EPS8L3: variants seen among roughly 807,000 people sequenced by gnomAD.
EPS8L3 encodes EPS8 signaling adaptor L3.
A neutral mutation model predicts 88.5 loss-of-function variants in EPS8L3; 80 were observed. The observed-to-expected ratio is 0.90, with a 90% CI of 0.75 to 1.09. EPS8L3 has a LOEUF of 1.09. EPS8L3 is among the 50% of genes least tolerant of loss of function. EPS8L3 has a pLI of 0.00. For missense variants in EPS8L3, 721 were observed against 735.2 expected (o/e 0.98, Z 0.22); for synonymous variants, 286 against 291.0 (o/e 0.98, Z 0.18).
At position 109,759,144 on chromosome 1, in the gene EPS8L3, AGTGTGTGTGTGTGTGTGT is replaced by A; in HGVS notation, c.406-45_406-28del. On this transcript the variant is annotated intron_variant, in intron 5 of 18. Coordinates refer to ENST00000361965, the MANE Select transcript of EPS8L3 (RefSeq NM_133181.4). The surrounding 1 kb of genome is among the most constrained non-coding windows in gnomAD (Gnocchi z 4.2). ...TGGGAAGCAGCAGTCAGGCAGGCTA[AGTGTGTGTGTGTGTGTGT>A]GTGTGTGTGTGTGTGTGTGTGGTGG... The A allele has an allele frequency of 4.7e-6, 7 of 1,491,452 alleles. No individual in the cohort carries two copies. Among genetic ancestry groups the A allele is most frequent in the Middle Eastern group, 2.0e-4 (1 of 5,082 alleles). 92.4% of individuals were successfully genotyped at this position (1,491,452 alleles called of 1,614,324 possible). A position where few individuals can be genotyped will look rare whatever the true frequency, so the allele number is the denominator to read the frequency against.
chr1:109,758,600 C>G lies in EPS8L3; in HGVS notation c.525G>C (p.Pro175=). The part of the protein sequence containing the change: ...DRWRGPAMER[P]LPMEQARYLE... ...GATAGCGTGCCTGCTCCATAGGGAGCGGCCTTTCCATAGCAGGCCCCCTCC... is the reference window on the plus strand; with the variant it reads ...GATAGCGTGCCTGCTCCATAGGGAGGGGCCTTTCCATAGCAGGCCCCCTCC... The change falls in exon 7 of 19, where the codon CCG becomes CCC. Residue 175 remains proline, a synonymous_variant. Coordinates refer to ENST00000361965, the MANE Select transcript of EPS8L3 (RefSeq NM_133181.4). 1 of 1,612,962 alleles carries G rather than the reference C, an allele frequency of 6.2e-7. No homozygotes were observed. Among genetic ancestry groups the G allele is most frequent in the Non-Finnish European group, 8.5e-7 (1 of 1,179,376 alleles).
intron 1 of EPS8L3, 91 bp from the exon 2 acceptor site, chr1:109,761,864 TG>T (rs1162417394): frequency 9.7e-6 from 11 of 1,135,108 alleles, no homozygotes; most frequent in African/African-American, 1.5e-5. Context: ...TTGCTCTGAC[TG>T]GGGGCCTCTG....
rs749435073 is a variant in EPS8L3 at position 109,751,759 on chromosome 1, C to T, written c.1458G>A (p.Trp486Ter). The T allele has an allele frequency of 1.7e-5, 28 of 1,613,654 alleles. No individual in the cohort carries two copies. Among genetic ancestry groups the T allele is most frequent in the Non-Finnish European group, 1.6e-5 (19 of 1,180,014 alleles). The change falls in exon 16 of 19, where the codon TGG becomes TGA. Residue 486 changes from tryptophan (W) to a stop codon, truncating the protein, a stop_gained. Coordinates refer to ENST00000361965, the MANE Select transcript of EPS8L3 (RefSeq NM_133181.4). LOFTEE classifies it high-confidence loss of function. ...KLEVLDHSKR[W>*]WLVKNEAGRS... is the part of the protein sequence containing the mutation. ...GTCCCGCCTCATTCTTCACCAGCCA[C>T]CACCGCTTGCTGTGGTCCAGAACCT...
In EPS8L3 at chr1:109,759,886, G is replaced by A. The variant is rs752974302; in HGVS notation, c.97-50C>T. ...GACTGGGAGAAAGCTCAGAGAGGTG[G>A]ACCACAGGCGTGCTGGGTAGAGAAA... On this transcript the variant is annotated intron_variant, in intron 3 of 18. Coordinates refer to ENST00000361965, the MANE Select transcript of EPS8L3 (RefSeq NM_133181.4). The surrounding 1 kb of genome is among the most constrained non-coding windows in gnomAD (Gnocchi z 4.2). 9 of 1,589,938 alleles carry A rather than the reference G, an allele frequency of 5.7e-6. No homozygotes were observed. The African/African-American group carries it at 1.2e-4, about 21-fold the overall frequency.
intron 14 of EPS8L3, 56 bp downstream of exon 14, chr1:109,752,630 C>G (rs549668863): frequency 4.7e-6 from 7 of 1,484,964 alleles, no homozygotes; most frequent in African/African-American, 4.2e-5. Flanking sequence ...TCCAAAGGAA[C>G]AGCCCTGTCC....
chr1:109,763,065 T>C (rs78633716), intron 1 of EPS8L3, among the ~76,000 whole-genome samples: 12,600 of 152,220 alleles, frequency 0.083, 689 homozygotes, highest in Middle Eastern at 0.13. Context: ...CTACCCCGGG[T>C]AACATGTGAG....
chr1:109,751,477 T>G, intron 16 of EPS8L3, 126 bp from the exon 17 acceptor site: 1 of 1,356,664 alleles, frequency 7.4e-7, no homozygotes, highest in Non-Finnish European at 1.0e-6. Flanking sequence ...CTTTCTGGTC[T>G]GGCAGGGAGC....
chr1:109,758,488 C>A (rs1229135390), intron 7 of EPS8L3, 36 bp downstream of exon 7: 1 of 1,561,960 alleles, frequency 6.4e-7, no homozygotes. Context: ...TTCATCGAAA[C>A]CCTCTCCTTC....
At position 109,761,765 on chromosome 1, in the gene EPS8L3, G is replaced by A. The variant is rs1650993562; in HGVS notation, c.-16C>T. On this transcript the variant is annotated 5_prime_UTR_variant, in exon 2 of 19. Coordinates refer to ENST00000361965, the MANE Select transcript of EPS8L3 (RefSeq NM_133181.4). ...GCCTTGACATGTTGACGCTGCTGAG[G>A]ACGGCTCCCTAGAACCCAAAGTGAA... The A allele has an allele frequency of 6.2e-7, 1 of 1,614,050 alleles. No homozygotes were observed.
Position 109,757,615 on chromosome 1 carries a change from A to T in EPS8L3, c.895-60T>A, listed in dbSNP as rs545528790. 9 of 1,526,140 alleles carry T rather than the reference A, an allele frequency of 5.9e-6. No homozygotes were observed. In the African/African-American group the frequency reaches 1.1e-4, roughly 19 times the overall value. 94.5% of individuals were successfully genotyped at this position (1,526,140 alleles called of 1,614,324 possible). ...CACCCCACCCCATCTTCACCAGGTCACCATAATTGTTTTATGCCTTGGCTG... is the reference window on the plus strand; with the variant it reads ...CACCCCACCCCATCTTCACCAGGTCTCCATAATTGTTTTATGCCTTGGCTG... On this transcript the variant is annotated intron_variant, in intron 10 of 18. Transcript: ENST00000361965.
At position 109,759,178 on chromosome 1, in the gene EPS8L3, TGTGTG is replaced by T; in HGVS notation, c.405+55_405+59del. On this transcript the variant is annotated intron_variant, in intron 5 of 18. Coordinates refer to ENST00000361965, the MANE Select transcript of EPS8L3 (RefSeq NM_133181.4). The surrounding 1 kb of genome is among the most constrained non-coding windows in gnomAD (Gnocchi z 4.2). ...GTGTGTGTGTGTGTGTGTGTGTGTG[TGTGTG>T]GTGGGGTGATGGTCGATGAACCCCA... is the stretch of plus-strand genomic sequence containing the variant. The T allele has an allele frequency of 1.5e-6, 2 of 1,306,354 alleles. No individual in the cohort carries two copies. The highest frequency in any genetic ancestry group is 2.1e-6 in the Non-Finnish European group (2 of 939,724). The allele number at this position is 1,306,354 out of a possible 1,614,324, so 80.9% of individuals were successfully genotyped here.
chr1:109,753,667 T>C (rs6684608), intron 12 of EPS8L3, among the ~76,000 whole-genome samples: 101,244 of 152,118 alleles, frequency 0.67, 34,379 homozygotes, highest in East Asian at 0.84. Flanking sequence ...GAGCTGCTCC[T>C]GTTGACTGAC....
intron 1 of EPS8L3, among the ~76,000 whole-genome samples, chr1:109,763,091 C>A (rs1651169629): frequency 6.6e-6 from 1 of 152,208 alleles, no homozygotes; most frequent in Non-Finnish European, 1.5e-5. Context: ...AACCCATACC[C>A]TTGTTTATTA....
In EPS8L3 at chr1:109,759,391, G is replaced by C; in HGVS notation, c.256-4C>G. 6.2e-7 allele frequency: 1 copy of C among 1,613,196 alleles called. No individual in the cohort carries two copies. Among genetic ancestry groups the C allele is most frequent in the Non-Finnish European group, 8.5e-7 (1 of 1,179,546 alleles). On this transcript the variant is annotated splice_region_variant and splice_polypyrimidine_tract_variant and intron_variant, in intron 4 of 18. Transcript: ENST00000361965. The surrounding 1 kb of genome is among the most constrained non-coding windows in gnomAD (Gnocchi z 4.2). ...GGCGGTAAGAGTCCAGCTCCTCCTG[G>C]GCCAGGTGGAGAGGTCAACTGTGAG...
Position 109,759,291 on chromosome 1 carries a change from C to T in EPS8L3, c.352G>A (p.Glu118Lys), listed in dbSNP as rs781416021. Reference protein sequence around the residue: ...YNSILSITVQEPGLPGTSTLL... With the variant: ...YNSILSITVQKPGLPGTSTLL... Reference sequence around the variant, plus strand: ...GTGCTAGTGCCTGGCAGGCCCGGCTCCTGCACGGTGATGGACAGGATGGAG... The same window carrying T: ...GTGCTAGTGCCTGGCAGGCCCGGCTTCTGCACGGTGATGGACAGGATGGAG... The change falls in exon 5 of 19, where the codon GAG becomes AAG. Residue 118 changes from glutamate (E) to lysine (K), a missense_variant. Transcript: ENST00000361965. This position sits in a 1 kb window ranked among gnomAD's most constrained non-coding sequence, Gnocchi z 4.2. 1 of 1,614,134 alleles carries T rather than the reference C, an allele frequency of 6.2e-7. No homozygotes were observed. Among genetic ancestry groups the T allele is most frequent in the Non-Finnish European group, 8.5e-7 (1 of 1,180,014 alleles).
Position 109,759,662 on chromosome 1 carries a change from T to G in EPS8L3, c.255+16A>C. 3.1e-6 allele frequency: 5 copies of G among 1,612,174 alleles called. No individual in the cohort carries two copies. Among genetic ancestry groups the G allele is most frequent in the Non-Finnish European group, 4.2e-6 (5 of 1,179,500 alleles). On this transcript the variant is annotated intron_variant, in intron 4 of 18. Coordinates refer to ENST00000361965, the MANE Select transcript of EPS8L3 (RefSeq NM_133181.4). The surrounding 1 kb of genome is among the most constrained non-coding windows in gnomAD (Gnocchi z 4.2). ...AGCCCAGGCTGGCTATCACTGGGTT[T>G]GCTGGGAAGGCTGACCTTGGTCTCA... is the stretch of plus-strand genomic sequence containing the variant.
At chr1:109,758,931 G>C in intron 6 of EPS8L3, 131 bp downstream of exon 6, 2 of 1,019,552 alleles carry the variant, frequency 2.0e-6, no homozygotes, top group Non-Finnish European at 2.9e-6. Context: ...CCTCTGTCCT[G>C]GCTCCTCCTC....
At chr1:109,750,581 G>T in intron 18 of EPS8L3, 79 bp downstream of exon 18, 2 of 1,604,634 alleles carry the variant, frequency 1.2e-6, no homozygotes, top group Non-Finnish European at 8.5e-7. Context: ...GGGCCTGCAG[G>T]CTTTTCCAAC....
chr1:109,755,987 C>T (rs1236525223), intron 12 of EPS8L3, among the ~76,000 whole-genome samples: 2 of 152,218 alleles, frequency 1.3e-5, no homozygotes, highest in Non-Finnish European at 2.9e-5. Context: ...CCTTTTTGCA[C>T]TTGCCATGTA....
Sources: allele counts gnomAD v4.1 joint callset (sites outside exome capture counted in the v4.1 genomes callset), GRCh38; gene constraint gnomAD v4.1.1; non-coding constraint Gnocchi (gnomAD v3.1); transcripts MANE v1.5; gene names NCBI Gene and HGNC (gene_info 2026-07-23, HGNC 2026-07-21).